Variants in ASB10 observed in about 807,000 individuals in gnomAD.
The protein encoded by ASB10 is ankyrin repeat and SOCS box protein 10.
Under a neutral mutation model 35.4 loss-of-function variants are expected in ASB10, and 44 were observed. The observed-to-expected ratio is 1.24, with a 90% CI of 0.98 to 1.60. The LOEUF is 1.60. Ranked by LOEUF, ASB10 falls within the 40% of genes most tolerant of loss-of-function variation. The pLI is 0.00. For missense variants in ASB10, 647 were observed against 634.3 expected (o/e 1.02, Z -0.22); for synonymous variants, 294 against 280.4 (o/e 1.05, Z -0.49).
chr7:151,187,434 C>T (rs1801622906), upstream of ASB10: 4 of 1,551,104 alleles, frequency 2.6e-6, no homozygotes, highest in Non-Finnish European at 3.5e-6. This position sits in a 1 kb window ranked among gnomAD's most constrained non-coding sequence, Gnocchi z 5.3. Context: ...TTCTCAGCAA[C>T]CCCCAGATGC....
At chr7:151,179,549 G>A (rs970516755) in intron 3 of ASB10, among the ~76,000 whole-genome samples, 2 of 152,224 alleles carry the variant, frequency 1.3e-5, no homozygotes, top group African/African-American at 4.8e-5. Flanking sequence ...CAGGTCCCCT[G>A]AGCACCAAGT....
upstream of ASB10, chr7:151,187,695 G>T (rs541679518): frequency 2.7e-6 from 4 of 1,480,740 alleles, no homozygotes; most frequent in African/African-American, 2.8e-5. The surrounding 1 kb of genome is among the most constrained non-coding windows in gnomAD (Gnocchi z 5.3). Context: ...TGTCCCCAGT[G>T]GGGAGAGGAG....
At chr7:151,178,640 C>T (rs143079509) in intron 3 of ASB10, among the ~76,000 whole-genome samples, 346 of 152,340 alleles carry the variant, frequency 2.3e-3, no homozygotes, top group African/African-American at 7.7e-3. Context: ...GTTTAACAGA[C>T]TCTGTCTGCA....
intron 3 of ASB10, among the ~76,000 whole-genome samples, chr7:151,178,594 A>G (rs1026983246): frequency 2.6e-5 from 4 of 152,182 alleles, no homozygotes; most frequent in African/African-American, 9.7e-5. Context: ...CACACAACCC[A>G]CATGTGGCCA....
chr7:151,178,520 C>T (rs960111537), intron 3 of ASB10, among the ~76,000 whole-genome samples: 7 of 152,310 alleles, frequency 4.6e-5, no homozygotes, highest in African/African-American at 9.6e-5. Context: ...TCTATGCAGG[C>T]GATGGCCACA....
chr7:151,179,068 A>G (rs1316427643), intron 3 of ASB10, among the ~76,000 whole-genome samples: 2 of 152,190 alleles, frequency 1.3e-5, no homozygotes, highest in African/African-American at 4.8e-5. Context: ...CCCATGTCCA[A>G]TGATACCCTC....
At position 151,175,962 on chromosome 7, in the gene ASB10, G is replaced by A; in HGVS notation, c.*5C>T. The A allele has an allele frequency of 9.7e-7, 1 of 1,026,398 alleles. No individual in the cohort carries two copies. Among genetic ancestry groups the A allele is most frequent in the Non-Finnish European group, 1.4e-6 (1 of 733,034 alleles). 63.6% of individuals were successfully genotyped at this position (1,026,398 alleles called of 1,614,324 possible). On this transcript the variant is annotated 3_prime_UTR_variant, in exon 6 of 6. Transcript: ENST00000420175. ...TTTCAGGCCCTCTCAAAAGGCCATGGACATCTGGAAGGAGAGGTTTGGATT... is the reference window on the plus strand; with the variant it reads ...TTTCAGGCCCTCTCAAAAGGCCATGAACATCTGGAAGGAGAGGTTTGGATT...
chr7:151,180,024 A>G (rs1232352589), intron 3 of ASB10, among the ~76,000 whole-genome samples: 1 of 152,164 alleles, frequency 6.6e-6, no homozygotes. Flanking sequence ...CAAAGGGGAG[A>G]GGCTGGGATA....
At chr7:151,182,200 G>A (rs1801508395) in intron 2 of ASB10, among the ~76,000 whole-genome samples, 1 of 152,150 alleles carries the variant, frequency 6.6e-6, no homozygotes, top group African/African-American at 2.4e-5. Context: ...GACTGTTGGG[G>A]GATCTGCATG....
At chr7:151,179,591 G>C (rs1408154359) in intron 3 of ASB10, among the ~76,000 whole-genome samples, 1 of 152,246 alleles carries the variant, frequency 6.6e-6, no homozygotes, top group Non-Finnish European at 1.5e-5. Context: ...AACCAGCTGG[G>C]GCTGGCATTT....
chr7:151,187,446 C>T, upstream of ASB10: 1 of 1,551,242 alleles, frequency 6.4e-7, no homozygotes, highest in Non-Finnish European at 8.7e-7. This position sits in a 1 kb window ranked among gnomAD's most constrained non-coding sequence, Gnocchi z 5.3. Context: ...CCCAGATGCC[C>T]CTCACCCCTC....
At chr7:151,179,141 C>T (rs1213730537) in intron 3 of ASB10, among the ~76,000 whole-genome samples, 1 of 152,258 alleles carries the variant, frequency 6.6e-6, no homozygotes, top group Non-Finnish European at 1.5e-5. Context: ...AAGAACAACA[C>T]TAGCTAACAA....
rs890258604 is a variant in ASB10, at chr7:151,186,425, G to A, written c.551C>T (p.Pro184Leu). ...PNIADQDGKR[P>L]LHLCRGPGTL... The stretch of plus-strand genomic sequence containing the variant: ...GCCAGGCCCCCGGCAGAGATGCAGG[G>A]GGCGTTTCCCATCCTGGTCAGCGAT... Residue 184 changes from proline to leucine, a missense_variant, in exon 2 of 6, where the codon CCC (proline) becomes CTC (leucine). By Grantham distance (98) the Pro-to-Leu change is moderately conservative. Transcript: ENST00000420175. 1.0e-5 allele frequency: 16 copies of A among 1,588,066 alleles called. No individual in the cohort carries two copies. Among genetic ancestry groups the A allele is most frequent in the Non-Finnish European group, 1.4e-5 (16 of 1,167,584 alleles).
At chr7:151,184,470 G>A (rs1412816445) in intron 2 of ASB10, among the ~76,000 whole-genome samples, 1 of 151,912 alleles carries the variant, frequency 6.6e-6, no homozygotes. Context: ...AAGACATCAT[G>A]CTAAGTGGAA....
intron 5 of ASB10, 66 bp downstream of exon 5, chr7:151,176,046 T>G: frequency 6.4e-7 from 1 of 1,559,130 alleles, no homozygotes; most frequent in South Asian, 1.1e-5. Context: ...CCCCAACCCT[T>G]CTCTTGCCTT....
chr7:151,176,106 G>A lies in ASB10; in HGVS notation c.*6C>T, dbSNP rs2150554598. 1.2e-6 allele frequency: 2 copies of A among 1,610,404 alleles called. No individual in the cohort carries two copies. The highest frequency in any genetic ancestry group is 1.1e-5 in the South Asian group (1 of 90,946). ...GCTGTGACTGCTCACAGATCCCGGG[G>A]CTCACCTAGTAGAGCACGCCCTCAA... On this transcript the variant is annotated splice_donor_region_variant and intron_variant, in intron 5 of 5. Transcript: ENST00000420175.
Position 151,180,972 on chromosome 7 carries a change from G to T in ASB10, c.1071C>A (p.Gly357=). 1 of 1,576,470 alleles carries T rather than the reference G, an allele frequency of 6.3e-7. No individual in the cohort carries two copies. Among genetic ancestry groups the T allele is most frequent in the Non-Finnish European group, 8.6e-7 (1 of 1,156,118 alleles). The part of the protein sequence containing the change: ...EHVVRALLNH[G]AVRVWPGALP... ...GGGCCCCTGGCCAGACACGGACGGCGCCATGGTTGAGCAGAGCCCGAACCA... is the reference window on the plus strand; with the variant it reads ...GGGCCCCTGGCCAGACACGGACGGCTCCATGGTTGAGCAGAGCCCGAACCA... The change falls in exon 3 of 6, where the codon GGC becomes GGA. Residue 357 remains glycine (G), a synonymous_variant. Transcript: ENST00000420175.
intron 2 of ASB10, 89 bp downstream of exon 2, chr7:151,186,303 G>A (rs1380815570): frequency 5.5e-6 from 8 of 1,453,998 alleles, no homozygotes; most frequent in Non-Finnish European, 7.3e-6. Flanking sequence ...TCTGTCCCAG[G>A]TCCCTGACAT....
chr7:151,176,258 T>C lies in ASB10; in HGVS notation c.1258A>G (p.Arg420Gly). Residue 420 changes from arginine to glycine, a missense_variant, in exon 5 of 6, where the codon AGG becomes GGG. Coordinates refer to ENST00000420175, the MANE Select transcript of ASB10 (RefSeq NM_001142459.2). ...RFYSSLFALVRQPRSLQHLSR... is the reference protein window; with the variant it reads ...RFYSSLFALVGQPRSLQHLSR... ...AAATGCTGCAGCGACCTGGGCTGCCTCACCAAGGCGAAGAGGGAGGAGTAG... is the reference window on the plus strand; with the variant it reads ...AAATGCTGCAGCGACCTGGGCTGCCCCACCAAGGCGAAGAGGGAGGAGTAG... 6.3e-7 allele frequency: 1 copy of C among 1,579,332 alleles called. No homozygotes were observed. Among genetic ancestry groups the C allele is most frequent in the East Asian group, 2.2e-5 (1 of 44,454 alleles).
Sources: gnomAD v4.1 joint callset for allele counts (sites outside exome capture counted in the v4.1 genomes callset) on GRCh38, gnomAD v4.1.1 for gene constraint, Gnocchi (gnomAD v3.1) non-coding constraint, MANE v1.5 for transcripts, NCBI Gene and HGNC (gene_info 2026-07-23, HGNC 2026-07-21) for gene names.